Variants in MYH9 observed in about 807,000 individuals in gnomAD.
MYH9 encodes the protein myosin-9.
A neutral mutation model predicts 241.9 loss-of-function variants in MYH9; 29 were observed. That is an observed-to-expected ratio of 0.12 (90% CI 0.09 to 0.16). MYH9 has a LOEUF of 0.16. Among genes scored for constraint, MYH9 ranks in the 10% least tolerant of loss-of-function variants. MYH9 has a pLI of 1.00. For missense variants in MYH9, 1,803 were observed against 2,595.5 expected (o/e 0.69, Z 6.63); for synonymous variants, 1,047 against 1,062.6 (o/e 0.99, Z 0.29).
intron 3 of MYH9, among the ~76,000 whole-genome samples, chr22:36,339,966 C>T (rs1303671317): frequency 3.9e-5 from 6 of 152,060 alleles, no homozygotes; most frequent in Non-Finnish European, 8.8e-5. Context: ...TCCTTGGAGG[C>T]CCTAATGCTT....
At chr22:36,327,862 C>T (rs942299000) in intron 3 of MYH9, among the ~76,000 whole-genome samples, 3 of 152,124 alleles carry the variant, frequency 2.0e-5, no homozygotes, top group Non-Finnish European at 4.4e-5. Context: ...GGGGCTGAAG[C>T]TGTTAGAAAG....
Position 36,321,400 on chromosome 22 carries a change from C to T in MYH9, c.769+358G>A, listed in dbSNP as rs1376588181. 2.6e-5 allele frequency among the ~76,000 whole-genome samples: 4 copies of T among 152,186 alleles called. No individual in the cohort carries two copies. In the East Asian group the frequency reaches 7.7e-4, roughly 29 times the overall value. On this transcript the variant is annotated intron_variant, in intron 7 of 40. Coordinates refer to ENST00000216181, the MANE Select transcript of MYH9 (RefSeq NM_002473.6). Reference sequence around the variant, plus strand: ...CAAGAGGAGCTCACACCTTCGAGAGCCTTGTCTCATTCTTACAGGTAATGG... The same window carrying T: ...CAAGAGGAGCTCACACCTTCGAGAGTCTTGTCTCATTCTTACAGGTAATGG...
chr22:36,385,163 T>G (rs980762077), intron 1 of MYH9, among the ~76,000 whole-genome samples: 14 of 149,486 alleles, frequency 9.4e-5, no homozygotes, highest in Non-Finnish European at 2.1e-4. Context: ...GGCACGGGTT[T>G]TTTTTTTTCT....
At chr22:36,377,955 G>A (rs1603484659) in intron 1 of MYH9, among the ~76,000 whole-genome samples, 1 of 151,706 alleles carries the variant, frequency 6.6e-6, no homozygotes, top group South Asian at 2.1e-4. Flanking sequence ...TACCACCTGA[G>A]GAGAGATGAT....
At position 36,320,964 on chromosome 22, in the gene MYH9, T is replaced by G. The variant is rs995314517; in HGVS notation, c.770-68A>C. On this transcript the variant is annotated intron_variant, in intron 7 of 40. Transcript: ENST00000216181. The surrounding 1 kb of genome is among the most constrained non-coding windows in gnomAD (Gnocchi z 4.8). ...AGCCCTCCACTTTCCTCATTTTTTT[T>G]TTTTTGGAGACAGAGTCTCGCTCTG... 1.4e-6 allele frequency: 2 copies of G among 1,409,934 alleles called. No individual in the cohort carries two copies. Among genetic ancestry groups the G allele is most frequent in the Non-Finnish European group, 2.0e-6 (2 of 1,010,452 alleles). The allele number at this position is 1,409,934 out of a possible 1,614,324, so 87.3% of individuals were successfully genotyped here.
intron 1 of MYH9, among the ~76,000 whole-genome samples, chr22:36,378,265 C>T (rs897170024): frequency 1.6e-4 from 25 of 151,966 alleles, no homozygotes; most frequent in African/African-American, 2.9e-4. Flanking sequence ...CAGAGCAAGA[C>T]GCTGTCTCAT....
chr22:36,297,109 C>T lies in MYH9; in HGVS notation c.3101-95G>A, dbSNP rs1330876938. On this transcript the variant is annotated intron_variant, in intron 24 of 40. Transcript: ENST00000216181. ...AAAATACTGAGCACTCGTTATGAAA[C>T]GTGTGTCAGGCTTAAAGCATCACAA... The T allele has an allele frequency of 4.4e-5, 62 of 1,408,624 alleles. No homozygotes were observed. The Middle Eastern group carries it at 5.3e-4, about 12-fold the overall frequency. 87.3% of individuals were successfully genotyped at this position (1,408,624 alleles called of 1,614,324 possible).
chr22:36,282,535 G>A lies in MYH9; in HGVS notation c.*133C>T. 3 of 870,990 alleles carry A rather than the reference G, an allele frequency of 3.4e-6. No individual in the cohort carries two copies. Among genetic ancestry groups the A allele is most frequent in the East Asian group, 4.8e-5 (2 of 41,586 alleles). The allele number at this position is 870,990 out of a possible 1,614,324, so 54.0% of individuals were successfully genotyped here. ...CACCTGGAGGGAAACGGGATGGGGG[G>A]ACGGGGCGGAGGGCAGGAGGAGGCA... On this transcript the variant is annotated 3_prime_UTR_variant, in exon 41 of 41. Coordinates refer to ENST00000216181, the MANE Select transcript of MYH9 (RefSeq NM_002473.6).
intron 31 of MYH9, among the ~76,000 whole-genome samples, chr22:36,290,861 C>T (rs2016681933): frequency 6.6e-6 from 1 of 151,446 alleles, no homozygotes; most frequent in African/African-American, 2.4e-5. Flanking sequence ...AGGTGAGGAG[C>T]ATCTCTGCCC....
chr22:36,282,468 C>T lies in MYH9; in HGVS notation c.*200G>A. On this transcript the variant is annotated 3_prime_UTR_variant, in exon 41 of 41. Coordinates refer to ENST00000216181, the MANE Select transcript of MYH9 (RefSeq NM_002473.6). ...ATCAGATTCTGAGCAGGGGAGGGAGCTGGAAGGGGATGCAGCAGAGGAAGC... is the reference window on the plus strand; with the variant it reads ...ATCAGATTCTGAGCAGGGGAGGGAGTTGGAAGGGGATGCAGCAGAGGAAGC... 1 of 710,956 alleles carries T rather than the reference C, an allele frequency of 1.4e-6. No individual in the cohort carries two copies. Among genetic ancestry groups the T allele is most frequent in the Non-Finnish European group, 2.6e-6 (1 of 389,270 alleles). The allele number at this position is 710,956 out of a possible 1,614,324, so 44.0% of individuals were successfully genotyped here. A position where few individuals can be genotyped will look rare whatever the true frequency, so the allele number is the denominator to read the frequency against.
intron 14 of MYH9, among the ~76,000 whole-genome samples, chr22:36,310,834 C>A (rs2157252): frequency 0.53 from 79,981 of 152,196 alleles, 23,738 homozygotes; most frequent in Non-Finnish European, 0.68. Flanking sequence ...AGCTTCTGCA[C>A]TGATGAGCGT....
At position 36,320,237 on chromosome 22, in the gene MYH9, G is replaced by A; in HGVS notation, c.995C>T (p.Pro332Leu). The stretch of plus-strand genomic sequence containing the variant: ...CCCTGTACCCATTTGCTCCTCTTCT[G>A]GGATGCCCATAATCCTCATGGCCTC... ...TMEAMRIMGI[P>L]EEEQMGLLRV... Residue 332 changes from proline (P) to leucine (L), a missense_variant, in exon 9 of 41, where the codon CCA becomes CTA. Physicochemically the swap from Pro to Leu is moderately conservative, Grantham distance 98. Coordinates refer to ENST00000216181, the MANE Select transcript of MYH9 (RefSeq NM_002473.6). The surrounding 1 kb of genome is among the most constrained non-coding windows in gnomAD (Gnocchi z 4.8). 1 of 1,614,158 alleles carries A rather than the reference G, an allele frequency of 6.2e-7. No individual in the cohort carries two copies. Among genetic ancestry groups the A allele is most frequent in the Non-Finnish European group, 8.5e-7 (1 of 1,180,032 alleles).
chr22:36,285,381 G>A lies in MYH9; in HGVS notation c.5275-52C>T, dbSNP rs1185496638. On this transcript the variant is annotated intron_variant, in intron 37 of 40. Transcript: ENST00000216181. The surrounding 1 kb of genome is among the most constrained non-coding windows in gnomAD (Gnocchi z 7.0). Reference sequence around the variant, plus strand: ...GGGAGGGCTGGGGCCCTGGCTGGAGGGCATGAGCAGGGCCAGAGGAAGGTG... The same window carrying A: ...GGGAGGGCTGGGGCCCTGGCTGGAGAGCATGAGCAGGGCCAGAGGAAGGTG... 4.5e-6 allele frequency: 7 copies of A among 1,564,112 alleles called. No individual in the cohort carries two copies. The highest frequency in any genetic ancestry group is 4.5e-5 in the East Asian group (2 of 44,682).
intron 1 of MYH9, among the ~76,000 whole-genome samples, chr22:36,377,859 C>T (rs1165578926): frequency 2.0e-5 from 3 of 151,778 alleles, no homozygotes; most frequent in Non-Finnish European, 1.5e-5. Flanking sequence ...TGCAATGAGC[C>T]GAGATGGTGC....
Position 36,306,378 on chromosome 22 carries a change from G to A in MYH9, c.2037+36C>T. On this transcript the variant is annotated intron_variant, in intron 16 of 40. Coordinates refer to ENST00000216181, the MANE Select transcript of MYH9 (RefSeq NM_002473.6). The surrounding 1 kb of genome is among the most constrained non-coding windows in gnomAD (Gnocchi z 4.1). ...CAAGGGCTGAGCACCCCACACCACA[G>A]TGCCCTGCCCGGGCCACCCCACCAG... 1.2e-6 allele frequency: 2 copies of A among 1,612,430 alleles called. No individual in the cohort carries two copies. Among genetic ancestry groups the A allele is most frequent in the Non-Finnish European group, 1.7e-6 (2 of 1,179,258 alleles).
rs760146728 is a variant in MYH9, at chr22:36,301,504, G to T, written c.2631+30C>A. 2.5e-6 allele frequency: 4 copies of T among 1,611,494 alleles called. No homozygotes were observed. The South Asian group carries it at 4.4e-5, about 18-fold the overall frequency. Reference sequence around the variant, plus strand: ...GGTGGCAGCACCAGGCAGGTCGTGCGACCTGGACTGAGCCTGCACTGACAC... The same window carrying T: ...GGTGGCAGCACCAGGCAGGTCGTGCTACCTGGACTGAGCCTGCACTGACAC... On this transcript the variant is annotated intron_variant, in intron 21 of 40. Coordinates refer to ENST00000216181, the MANE Select transcript of MYH9 (RefSeq NM_002473.6).
chr22:36,302,285 TAA>T (rs1199869153), intron 20 of MYH9: 7 of 374,748 alleles, frequency 1.9e-5, no homozygotes, highest in Non-Finnish European at 3.1e-5. Context: ...AGTTTAAAAA[TAA>T]AGAGATTTTT....
chr22:36,285,673 C>T lies in MYH9; in HGVS notation c.5259G>A (p.Lys1753=). 1 of 1,612,600 alleles carries T rather than the reference C, an allele frequency of 6.2e-7. No homozygotes were observed. The highest frequency in any genetic ancestry group is 8.5e-7 in the Non-Finnish European group (1 of 1,180,006). ...TGGCACCCACCTGCAGGTTGGCCTT[C>T]TTCAGCCGGTCGTTGATCAGCTCCG... ...GNTELINDRL[K]KANLQIDQIN... Residue 1753 remains lysine (K), a synonymous_variant, in exon 37 of 41, where the codon AAG becomes AAA. Coordinates refer to ENST00000216181, the MANE Select transcript of MYH9 (RefSeq NM_002473.6). This position sits in a 1 kb window ranked among gnomAD's most constrained non-coding sequence, Gnocchi z 7.0.
Position 36,293,200 on chromosome 22 carries a change from T to C in MYH9, c.4095+129A>G, listed in dbSNP as rs1219773191. 1.5e-5 allele frequency: 18 copies of C among 1,203,312 alleles called. No individual in the cohort carries two copies. The highest frequency in any genetic ancestry group is 2.7e-5 in the South Asian group (2 of 75,422). The allele number at this position is 1,203,312 out of a possible 1,614,324, so 74.5% of individuals were successfully genotyped here. On this transcript the variant is annotated intron_variant, in intron 30 of 40. Coordinates refer to ENST00000216181, the MANE Select transcript of MYH9 (RefSeq NM_002473.6). This position sits in a 1 kb window ranked among gnomAD's most constrained non-coding sequence, Gnocchi z 5.1. ...AGAGCACTGATGTGGGAGAGCACGG[T>C]TGGCTTCCCAGGGGGAGAGCAGCAA... is the stretch of plus-strand genomic sequence containing the variant.
Sources: gnomAD v4.1 joint callset for allele counts (sites outside exome capture counted in the v4.1 genomes callset) on GRCh38, gnomAD v4.1.1 for gene constraint, Gnocchi (gnomAD v3.1) non-coding constraint, MANE v1.5 for transcripts, NCBI Gene and HGNC (gene_info 2026-07-23, HGNC 2026-07-21) for gene names.